The following DCAF5 variants were observed in gnomAD, a reference collection of about 807,000 sequenced individuals.
DCAF5 encodes the protein DDB1- and CUL4-associated factor 5.
In DCAF5, 9 loss-of-function variants were observed where a neutral mutation model predicts 80.7. The ratio of observed to expected loss-of-function variants is 0.11; its 90% CI spans 0.07 to 0.19. The LOEUF is 0.19. Ranked by LOEUF, DCAF5 falls within the 10% of genes least tolerant of loss-of-function variation. The probability of loss-of-function intolerance (pLI) is 1.00; values close to 1 mark genes in which losing one functional copy is unlikely to be tolerated. For synonymous variants in DCAF5, 433 were observed against 461.9 expected (o/e 0.94, Z 0.80); for missense variants, 842 against 1,205.7 (o/e 0.70, Z 4.47).
At chr14:69,079,705 G>C (rs2039028974) in intron 6 of DCAF5, among the ~76,000 whole-genome samples, 1 of 152,106 alleles carries the variant, frequency 6.6e-6, no homozygotes, top group Non-Finnish European at 1.5e-5. Context: ...CATTGTTCCA[G>C]GGAAGGGAAG....
chr14:69,105,994 G>C (rs2140020621), intron 5 of DCAF5, among the ~76,000 whole-genome samples: 1 of 136,968 alleles, frequency 7.3e-6, no homozygotes, highest in South Asian at 2.4e-4. Flanking sequence ...ATTATACATA[G>C]TGTGAAATAC....
chr14:69,078,554 G>A lies in DCAF5; in HGVS notation c.880-3143C>T, dbSNP rs543408468. Among the ~76,000 whole-genome samples the A allele has an allele frequency of 2.8e-4, 43 of 152,312 alleles. No homozygotes were observed. The East Asian group carries it at 8.3e-3, about 29-fold the overall frequency. Reference sequence around the variant, plus strand: ...AAGAGGTGGAATCAATCCCCTATGTGTCCATCAACATCATTCAGCCTTAAC... The same window carrying A: ...AAGAGGTGGAATCAATCCCCTATGTATCCATCAACATCATTCAGCCTTAAC... On this transcript the variant is annotated intron_variant, in intron 6 of 8. Transcript: ENST00000341516.
At chr14:69,133,554 C>T (rs2331920) in intron 1 of DCAF5, among the ~76,000 whole-genome samples, 19 of 151,892 alleles carry the variant, frequency 1.3e-4, no homozygotes, top group Admixed American at 3.9e-4. Flanking sequence ...AGGGAAGAGG[C>T]GGGGGTACAG....
At chr14:69,148,057 G>A (rs1302234638) in intron 1 of DCAF5, among the ~76,000 whole-genome samples, 1 of 138,558 alleles carries the variant, frequency 7.2e-6, no homozygotes, top group East Asian at 2.2e-4. Flanking sequence ...GATACATTCT[G>A]ATTGGTCATC....
At chr14:69,078,425 A>G (rs1338408283) in intron 6 of DCAF5, among the ~76,000 whole-genome samples, 2 of 152,264 alleles carry the variant, frequency 1.3e-5, no homozygotes, top group Non-Finnish European at 2.9e-5. Context: ...TAGAATTATC[A>G]TATGATCCAG....
rs960748492 is a variant in DCAF5 at position 69,051,532 on chromosome 14, G to A, written c.*2325C>T. 1.7e-4 allele frequency: 26 copies of A among 152,172 alleles called. No individual in the cohort carries two copies. Among genetic ancestry groups the A allele is most frequent in the African/African-American group, 6.3e-4 (26 of 41,426 alleles). The allele number at this position is 152,172 out of a possible 1,614,324, so 9.4% of individuals were successfully genotyped here. ...ATGCTGGGAAGCCTCTGCCAAGGAT[G>A]GAAGGCATACTTGCTAAAAATGATC... On this transcript the variant is annotated 3_prime_UTR_variant, in exon 9 of 9. Coordinates refer to ENST00000341516, the MANE Select transcript of DCAF5 (RefSeq NM_003861.3).
intron 1 of DCAF5, among the ~76,000 whole-genome samples, chr14:69,136,525 T>C (rs1016068950): frequency 6.6e-6 from 1 of 152,196 alleles, no homozygotes; most frequent in Admixed American, 6.5e-5. Context: ...ACAATGACAC[T>C]CTTCTCGCTA....
intron 5 of DCAF5, among the ~76,000 whole-genome samples, chr14:69,107,064 T>TAATTGAAA (rs148068526): frequency 6.0e-5 from 9 of 151,086 alleles, no homozygotes; most frequent in African/African-American, 2.2e-4. Context: ...AATAATTAAA[T>TAATTGAAA]AATTAAATAA....
At chr14:69,060,946 C>CAAGTT (rs58861324) in intron 8 of DCAF5, among the ~76,000 whole-genome samples, 119,275 of 151,504 alleles carry the variant, frequency 0.79, 47,102 homozygotes, top group East Asian at 0.98. Flanking sequence ...AAAATAATCA[C>CAAGTT]AATTTTTATT....
At chr14:69,135,225 G>C (rs1015248130) in intron 1 of DCAF5, among the ~76,000 whole-genome samples, 1 of 152,164 alleles carries the variant, frequency 6.6e-6, no homozygotes, top group African/African-American at 2.4e-5. Context: ...CAAAAGCAAT[G>C]GTGGGTAAAA....
At chr14:69,110,722 T>G (rs906899837) in intron 5 of DCAF5, among the ~76,000 whole-genome samples, 1 of 151,374 alleles carries the variant, frequency 6.6e-6, no homozygotes, top group Non-Finnish European at 1.5e-5. Context: ...ACAGAAACAT[T>G]TAAAAATTAG....
At chr14:69,059,201 C>T (rs933985903) in intron 8 of DCAF5, among the ~76,000 whole-genome samples, 1 of 152,134 alleles carries the variant, frequency 6.6e-6, no homozygotes, top group Non-Finnish European at 1.5e-5. Flanking sequence ...CGTCCCACCT[C>T]AGCCTCCCGA....
intron 7 of DCAF5, among the ~76,000 whole-genome samples, chr14:69,073,828 C>G (rs1304805674): frequency 6.6e-6 from 1 of 152,110 alleles, no homozygotes; most frequent in Non-Finnish European, 1.5e-5. Flanking sequence ...AAAAGCTTTT[C>G]AAGATCAGGT....
Position 69,055,660 on chromosome 14 carries a change from T to C in DCAF5, c.1075-49A>G, listed in dbSNP as rs1036885935. 6.5e-7 allele frequency: 1 copy of C among 1,535,818 alleles called. No individual in the cohort carries two copies. Among genetic ancestry groups the C allele is most frequent in the Non-Finnish European group, 8.8e-7 (1 of 1,131,454 alleles). ...AGCAACAAGGAGTAACTGGAAAGTATTCTTTCACTGGTGGTGATAAAGAAC... is the reference window on the plus strand; with the variant it reads ...AGCAACAAGGAGTAACTGGAAAGTACTCTTTCACTGGTGGTGATAAAGAAC... On this transcript the variant is annotated intron_variant, in intron 8 of 8. Coordinates refer to ENST00000341516, the MANE Select transcript of DCAF5 (RefSeq NM_003861.3). The surrounding 1 kb of genome is among the most constrained non-coding windows in gnomAD (Gnocchi z 5.6).
In DCAF5 at chr14:69,122,018, C is replaced by CA. The variant is rs1290703332; in HGVS notation, c.358+198dup. On this transcript the variant is annotated intron_variant, in intron 2 of 8. Transcript: ENST00000341516. The stretch of plus-strand genomic sequence containing the variant: ...AAAGAAAAAGACAGGTGAAGAAAAG[C>CA]AAAAAAAAGAGAAGAGAGAAAAGAC... 6.3e-4 allele frequency among the ~76,000 whole-genome samples: 94 copies of CA among 150,020 alleles called. 1 individual carries two copies. The highest frequency in any genetic ancestry group is 3.7e-3 in the Admixed American group (56 of 15,130).
At chr14:69,125,847 T>G (rs1595043151) in intron 1 of DCAF5, among the ~76,000 whole-genome samples, 1 of 152,164 alleles carries the variant, frequency 6.6e-6, no homozygotes. Flanking sequence ...TATCTAAGCA[T>G]GTATTTTTAA....
At chr14:69,097,585 T>TTA (rs2039773938) in intron 5 of DCAF5, among the ~76,000 whole-genome samples, 66 of 84,946 alleles carry the variant, frequency 7.8e-4, no homozygotes, top group Non-Finnish European at 8.9e-4. Flanking sequence ...TATTATTATT[T>TTA]TTTTTTTTTT....
chr14:69,067,067 C>T (rs1272821362), intron 7 of DCAF5, among the ~76,000 whole-genome samples: 3 of 152,214 alleles, frequency 2.0e-5, no homozygotes, highest in African/African-American at 7.2e-5. Flanking sequence ...TTTAAACATA[C>T]TACATAATTT....
At chr14:69,120,262 A>AT (rs951077834) in intron 2 of DCAF5, among the ~76,000 whole-genome samples, 8 of 151,506 alleles carry the variant, frequency 5.3e-5, no homozygotes, top group African/African-American at 1.5e-4. Flanking sequence ...TAAAAAAAAA[A>AT]TTTTTTTTGT....
Sources: allele counts gnomAD v4.1 joint callset (sites outside exome capture counted in the v4.1 genomes callset), GRCh38; gene constraint gnomAD v4.1.1; non-coding constraint Gnocchi (gnomAD v3.1); transcripts MANE v1.5; gene names NCBI Gene and HGNC (gene_info 2026-07-23, HGNC 2026-07-21).